CUBN: variants seen among roughly 807,000 people sequenced by gnomAD.
CUBN encodes the protein cubilin, also known as 460 kDa receptor.
In CUBN, 282 loss-of-function variants were observed where a neutral mutation model predicts 405.3. That is an observed-to-expected ratio of 0.70 (90% CI 0.63 to 0.77). CUBN has a LOEUF of 0.77. CUBN is among the 30% of genes least tolerant of loss of function. The probability of loss-of-function intolerance (pLI) is 0.00; values close to 1 mark genes in which losing one functional copy is unlikely to be tolerated. For synonymous variants in CUBN, 1,684 were observed against 1,617.0 expected (o/e 1.04, Z -0.99); for missense variants, 4,514 against 4,475.2 (o/e 1.01, Z -0.25).
chr10:16,909,048 A>G (rs28515142), intron 48 of CUBN, among the ~76,000 whole-genome samples: 89,814 of 149,476 alleles, frequency 0.6, 27,222 homozygotes, highest in East Asian at 0.79. Flanking sequence ...GCGCCCGGCT[A>G]ATTTTTTTTT....
intron 27 of CUBN, among the ~76,000 whole-genome samples, chr10:17,030,131 AC>A (rs1834758171): frequency 6.6e-6 from 1 of 152,222 alleles, no homozygotes; most frequent in Non-Finnish European, 1.5e-5. Context: ...CCCCAGTGGT[AC>A]TGTCTAATGC....
intron 6 of CUBN, 137 bp downstream of exon 6, chr10:17,122,658 C>A: frequency 1.5e-6 from 1 of 688,014 alleles, no homozygotes; most frequent in Non-Finnish European, 2.7e-6. Flanking sequence ...AGACGTTAAG[C>A]AAGAGCTAAA....
intron 15 of CUBN, among the ~76,000 whole-genome samples, chr10:17,087,116 C>A (rs191934712): frequency 2.1e-5 from 3 of 145,894 alleles, no homozygotes; most frequent in South Asian, 4.6e-4. Context: ...TCCTTCTATC[C>A]TTTATGAATA....
chr10:17,062,998 C>A (rs567432034), intron 22 of CUBN, among the ~76,000 whole-genome samples: 2 of 152,306 alleles, frequency 1.3e-5, no homozygotes, highest in South Asian at 4.1e-4. Flanking sequence ...GTTTCCACAC[C>A]AGCAGCTCAC....
At position 16,915,120 on chromosome 10, in the gene CUBN, A is replaced by C; in HGVS notation, c.7263T>G (p.Thr2421=). Residue 2421 remains threonine, a synonymous_variant, in exon 47 of 67, where the codon ACT becomes ACG. Transcript: ENST00000377833. Reference sequence around the variant, plus strand: ...ACCTGACCACAGCAGTATTGCTAGAAGTGTCTATGCTGTCAGGAATGGTGT... The same window carrying C: ...ACCTGACCACAGCAGTATTGCTAGACGTGTCTATGCTGTCAGGAATGGTGT... The part of the protein sequence containing the change: ...CGNTIPDSID[T]SSNTAVVRFV... 6.2e-7 allele frequency: 1 copy of C among 1,614,100 alleles called. No homozygotes were observed. The highest frequency in any genetic ancestry group is 8.5e-7 in the Non-Finnish European group (1 of 1,179,976).
At chr10:16,942,833 A>AGGGAAGGGGGAAG (rs1272867580) in intron 36 of CUBN, among the ~76,000 whole-genome samples, 42 of 129,702 alleles carry the variant, frequency 3.2e-4, no homozygotes, top group Middle Eastern at 3.7e-3. Flanking sequence ...GGGAAAAGGA[A>AGGGAAGGGGGAAG]GGGAAGGGGG....
rs763543950 is a variant in CUBN at position 17,104,518 on chromosome 10, G to A, written c.1318C>T (p.Pro440Ser). 1 of 1,613,732 alleles carries A rather than the reference G, an allele frequency of 6.2e-7. No individual in the cohort carries two copies. The highest frequency in any genetic ancestry group is 1.1e-5 in the South Asian group (1 of 91,078). ...TENINECLSN[P>S]CLNGGTCVDG... ...ACACAAGTTCCTCCATTCAAACAGG[G>A]GTTGCTCAAACACTCATTGATGTTT... The change falls in exon 12 of 67, where the codon CCC becomes TCC. Residue 440 changes from proline to serine, a missense_variant. Transcript: ENST00000377833.
intron 31 of CUBN, among the ~76,000 whole-genome samples, chr10:16,975,920 C>T (rs1230455055): frequency 3.3e-5 from 5 of 151,502 alleles, no homozygotes; most frequent in South Asian, 4.2e-4. Flanking sequence ...TGAGCCACCA[C>T]GCCAGGCCAA....
chr10:16,882,895 T>C (rs1338532084), intron 56 of CUBN, among the ~76,000 whole-genome samples: 1 of 152,046 alleles, frequency 6.6e-6, no homozygotes, highest in Non-Finnish European at 1.5e-5. Context: ...GTGCCTGTAA[T>C]CCCAGCTACT....
intron 27 of CUBN, 99 bp from the exon 28 acceptor site, chr10:17,020,082 A>G: frequency 1.5e-6 from 2 of 1,355,900 alleles, no homozygotes; most frequent in Non-Finnish European, 2.1e-6. Context: ...CTTGGTTCAA[A>G]AGTTAGAGGT....
chr10:17,086,571 C>T (rs541846436), intron 15 of CUBN, among the ~76,000 whole-genome samples: 55 of 152,148 alleles, frequency 3.6e-4, no homozygotes, highest in African/African-American at 1.2e-3. Context: ...ATGATAATGA[C>T]GTGACCTTAG....
intron 28 of CUBN, among the ~76,000 whole-genome samples, chr10:16,990,739 T>A (rs540393124): frequency 2.5e-4 from 38 of 152,240 alleles, no homozygotes; most frequent in Non-Finnish European, 5.0e-4. Flanking sequence ...GGATTATATA[T>A]AATTTAGTAC....
At position 16,824,701 on chromosome 10, in the gene CUBN, A is replaced by ATC; in HGVS notation, c.*273_*274insGA. On this transcript the variant is annotated 3_prime_UTR_variant, in exon 67 of 67. Transcript: ENST00000377833. ...ACGCCTGGCTAATTATTATATTGTT[A>ATC]GAGAGATGAGGTTTCACCATGCTGG... 2.6e-6 allele frequency: 1 copy of ATC among 377,548 alleles called. No individual in the cohort carries two copies. The highest frequency in any genetic ancestry group is 2.1e-5 in the South Asian group (1 of 48,224). The allele number at this position is 377,548 out of a possible 1,614,324, so 23.4% of individuals were successfully genotyped here.
At chr10:16,939,791 A>G (rs1360433713) in intron 37 of CUBN, among the ~76,000 whole-genome samples, 2 of 152,236 alleles carry the variant, frequency 1.3e-5, no homozygotes, top group Non-Finnish European at 2.9e-5. Flanking sequence ...ATTTAACATT[A>G]GGTAGAAATT....
intron 58 of CUBN, among the ~76,000 whole-genome samples, chr10:16,873,265 T>C (rs1840409872): frequency 6.6e-6 from 1 of 152,172 alleles, no homozygotes; most frequent in Admixed American, 6.5e-5. Flanking sequence ...TCTTGAACTT[T>C]ATCATTCTGG....
rs147701424 is a variant in CUBN, at chr10:17,058,873, C to T, written c.3139+6635G>A. Among the ~76,000 whole-genome samples the T allele has an allele frequency of 4.6e-3, 706 of 152,094 alleles. 7 individuals carry two copies. Among genetic ancestry groups the T allele is most frequent in the African/African-American group, 0.016 (661 of 41,516 alleles). On this transcript the variant is annotated intron_variant, in intron 22 of 66. Coordinates refer to ENST00000377833, the MANE Select transcript of CUBN (RefSeq NM_001081.4). ...CATGATGCTTATTATTACATCAATACAAAATGCAAAGATAAAAATGTATCT... is the reference window on the plus strand; with the variant it reads ...CATGATGCTTATTATTACATCAATATAAAATGCAAAGATAAAAATGTATCT...
At chr10:16,928,986 G>A (rs1842290903) in intron 40 of CUBN, among the ~76,000 whole-genome samples, 1 of 93,658 alleles carries the variant, frequency 1.1e-5, no homozygotes, top group Admixed American at 1.4e-4. Flanking sequence ...ATTGCTGAAG[G>A]TCAAGTAGGT....
intron 59 of CUBN, among the ~76,000 whole-genome samples, chr10:16,853,603 T>C (rs1015470512): frequency 2.0e-5 from 3 of 152,246 alleles, no homozygotes; most frequent in Admixed American, 1.3e-4. Context: ...ATTTGCATAG[T>C]CAGACATTTC....
intron 55 of CUBN, among the ~76,000 whole-genome samples, chr10:16,889,607 T>C (rs944545638): frequency 2.6e-5 from 4 of 151,900 alleles, no homozygotes; most frequent in Admixed American, 6.6e-5. Flanking sequence ...GGATGACAGT[T>C]AAAACATGCA....
Sources: allele counts gnomAD v4.1 joint callset (sites outside exome capture counted in the v4.1 genomes callset), GRCh38; gene constraint gnomAD v4.1.1; transcripts MANE v1.5; gene names NCBI Gene and HGNC (gene_info 2026-07-23, HGNC 2026-07-21).